The following PCDHA7 variants were observed in gnomAD, a reference collection of about 807,000 sequenced individuals.
PCDHA7 encodes protocadherin alpha-7.
PCDHA7 carries 37 observed loss-of-function variants against 57.2 expected under a neutral mutation model. The ratio of observed to expected loss-of-function variants is 0.65; its 90% CI spans 0.50 to 0.85. The LOEUF (loss-of-function observed/expected upper bound fraction) is 0.85, where lower values mean the gene tolerates loss of function less well. Ranked by LOEUF, PCDHA7 falls within the 40% of genes least tolerant of loss-of-function variation. The pLI, the probability that PCDHA7 is intolerant of heterozygous loss-of-function variation, is 0.00. For missense variants in PCDHA7, 1,188 were observed against 1,241.8 expected (o/e 0.96, Z 0.65); for synonymous variants, 553 against 558.8 (o/e 0.99, Z 0.15).
intron 1 of PCDHA7, among the ~76,000 whole-genome samples, chr5:140,941,255 CTCTT>C (rs1554214207): frequency 2.2e-4 from 10 of 44,514 alleles, no homozygotes; most frequent in East Asian, 7.5e-4. Flanking sequence ...TTCTTTCTTT[CTCTT>C]TCTTTCTTTC....
chr5:140,862,903 C>T lies in PCDHA7; in HGVS notation c.2355+26165C>T, dbSNP rs7714617. 5.0e-3 allele frequency: 2,780 copies of T among 551,318 alleles called. 56 individuals are homozygous for T. Among genetic ancestry groups the T allele is most frequent in the African/African-American group, 0.05 (2,518 of 50,680 alleles). 34.2% of individuals were successfully genotyped at this position (551,318 alleles called of 1,614,324 possible). ...TGCTGGAACGACAACTTTGTCTGCG[C>T]TGCTGGCGCCTTGGGTGGGCTGGCG... On this transcript the variant is annotated intron_variant, in intron 1 of 3. Transcript: ENST00000525929.
In PCDHA7 at chr5:140,870,728, C is replaced by G. The variant is rs531202250; in HGVS notation, c.2355+33990C>G. On this transcript the variant is annotated intron_variant, in intron 1 of 3. Transcript: ENST00000525929. Reference sequence around the variant, plus strand: ...GTGAGCGCGCGCGATGCGGGCGTGCCGCCTCTGAGCAGCAACGTGACGCTG... The same window carrying G: ...GTGAGCGCGCGCGATGCGGGCGTGCGGCCTCTGAGCAGCAACGTGACGCTG... The G allele has an allele frequency of 5.0e-6, 8 of 1,613,220 alleles. No individual in the cohort carries two copies. The East Asian group carries it at 6.7e-5, about 13-fold the overall frequency.
chr5:140,873,262 G>A (rs1196053156), intron 1 of PCDHA7, among the ~76,000 whole-genome samples: 2 of 152,136 alleles, frequency 1.3e-5, no homozygotes, highest in Non-Finnish European at 2.9e-5. Context: ...ACTCAAAAGT[G>A]ATTAAACCAT....
At chr5:140,905,092 CAGTCATGAA>C (rs1554191919) in intron 1 of PCDHA7, among the ~76,000 whole-genome samples, 5 of 152,092 alleles carry the variant, frequency 3.3e-5, no homozygotes, top group African/African-American at 1.2e-4. Flanking sequence ...TTTGGGTTCT[CAGTCATGAA>C]TTGTTTGCCT....
intron 1 of PCDHA7, chr5:140,876,731 C>T (rs782483829): frequency 1.7e-5 from 27 of 1,614,124 alleles, no homozygotes; most frequent in Non-Finnish European, 1.9e-5. Context: ...AGCGTGTCGG[C>T]CTATGAGCTG....
rs2044015236 is a variant in PCDHA7, at chr5:140,856,467, C to T, written c.2355+19729C>T. On this transcript the variant is annotated intron_variant, in intron 1 of 3. Coordinates refer to ENST00000525929, the MANE Select transcript of PCDHA7 (RefSeq NM_018910.3). ...TTCTCCGTAACAGAACAAAAGCTCTCAATACCTGAATCCAGACTGCTTGAC... is the reference window on the plus strand; with the variant it reads ...TTCTCCGTAACAGAACAAAAGCTCTTAATACCTGAATCCAGACTGCTTGAC... 5 of 1,598,208 alleles carry T rather than the reference C, an allele frequency of 3.1e-6. 1 individual carries two copies. Among genetic ancestry groups the T allele is most frequent in the Non-Finnish European group, 4.3e-6 (5 of 1,167,910 alleles).
At chr5:140,848,285 C>T in intron 1 of PCDHA7, 1 of 617,022 alleles carries the variant, frequency 1.6e-6, no homozygotes. Flanking sequence ...TGTACTTACA[C>T]TTTGGGCCAC....
chr5:140,978,887 A>T, intron 1 of PCDHA7, 62 bp from the exon 2 acceptor site: 1 of 1,611,648 alleles, frequency 6.2e-7, no homozygotes, highest in Non-Finnish European at 8.5e-7. Context: ...ATCAATTAGC[A>T]GCATTCCTGG....
At chr5:140,876,015 A>G (rs1479938988) in intron 1 of PCDHA7, 3 of 1,613,662 alleles carry the variant, frequency 1.9e-6, no homozygotes, top group Non-Finnish European at 2.5e-6. Flanking sequence ...TTGAGCTTAA[A>G]ATAAAAACAA....
intron 1 of PCDHA7, among the ~76,000 whole-genome samples, chr5:140,960,355 A>G (rs1489344440): frequency 6.6e-6 from 1 of 152,222 alleles, no homozygotes; most frequent in Admixed American, 6.5e-5. Flanking sequence ...ATGTACTGAA[A>G]TAATATGCCA....
chr5:141,003,540 T>A (rs2098129225), intron 3 of PCDHA7, among the ~76,000 whole-genome samples: 1 of 152,188 alleles, frequency 6.6e-6, no homozygotes, highest in Non-Finnish European at 1.5e-5. Flanking sequence ...CTTGAACTCC[T>A]GGCTTCAAGT....
chr5:140,841,817 T>C, intron 1 of PCDHA7: 1 of 1,613,922 alleles, frequency 6.2e-7, no homozygotes. Flanking sequence ...TGGAGCTAAC[T>C]CCGTGTTAAC....
chr5:140,949,074 C>T (rs2094343019), intron 1 of PCDHA7, among the ~76,000 whole-genome samples: 1 of 151,780 alleles, frequency 6.6e-6, no homozygotes, highest in African/African-American at 2.4e-5. Flanking sequence ...AACTCTTTCA[C>T]CCATTTATTA....
chr5:140,857,818 G>T, intron 1 of PCDHA7: 1 of 1,597,774 alleles, frequency 6.3e-7, no homozygotes, highest in Non-Finnish European at 8.6e-7. Flanking sequence ...GTCACGTGGT[G>T]GCTAAGGTGC....
intron 1 of PCDHA7, among the ~76,000 whole-genome samples, chr5:140,898,272 A>T (rs13177412): frequency 6.6e-6 from 1 of 152,110 alleles, no homozygotes; most frequent in Non-Finnish European, 1.5e-5. Flanking sequence ...CCCATGCCTA[A>T]GTTCTGAATG....
chr5:140,870,107 T>C, intron 1 of PCDHA7: 1 of 1,613,786 alleles, frequency 6.2e-7, no homozygotes, highest in Admixed American at 1.7e-5. Flanking sequence ...CACTGTACAG[T>C]CTGGGTGGAA....
intron 1 of PCDHA7, among the ~76,000 whole-genome samples, chr5:140,933,901 C>T (rs1218971055): frequency 4.0e-5 from 6 of 151,882 alleles, no homozygotes; most frequent in African/African-American, 1.2e-4. Context: ...AATATTTTGG[C>T]ATAAAGTTGT....
chr5:140,914,769 T>C (rs2076832006), intron 1 of PCDHA7, among the ~76,000 whole-genome samples: 1 of 152,160 alleles, frequency 6.6e-6, no homozygotes, highest in South Asian at 2.1e-4. Flanking sequence ...ATGAGGTTTA[T>C]GACTTATCTT....
chr5:140,870,317 C>G lies in PCDHA7; in HGVS notation c.2355+33579C>G, dbSNP rs782216904. On this transcript the variant is annotated intron_variant, in intron 1 of 3. Coordinates refer to ENST00000525929, the MANE Select transcript of PCDHA7 (RefSeq NM_018910.3). ...GTGTCCACCTTCAAGAATTACTACT[C>G]GTTGGTGCTGGACAGCGCCCTGGAC... 122 of 1,614,080 alleles carry G rather than the reference C, an allele frequency of 7.6e-5. No individual in the cohort carries two copies. Among genetic ancestry groups the G allele is most frequent in the Non-Finnish European group, 1.0e-4 (120 of 1,180,036 alleles).
Sources: allele counts gnomAD v4.1 joint callset (sites outside exome capture counted in the v4.1 genomes callset), GRCh38; gene constraint gnomAD v4.1.1; transcripts MANE v1.5; gene names NCBI Gene and HGNC (gene_info 2026-07-23, HGNC 2026-07-21).